The following UNC5C variants were observed in gnomAD, a reference collection of about 807,000 sequenced individuals.
UNC5C encodes the protein unc-5 netrin receptor C, also known as netrin receptor UNC5C.
Under a neutral mutation model 99.8 loss-of-function variants are expected in UNC5C, and 47 were observed. The ratio of observed to expected loss-of-function variants is 0.47; its 90% CI spans 0.37 to 0.60. The LOEUF (loss-of-function observed/expected upper bound fraction) is 0.60, where lower values mean the gene tolerates loss of function less well. UNC5C is among the 20% of genes least tolerant of loss of function. The pLI, the probability that UNC5C is intolerant of heterozygous loss-of-function variation, is 0.00. For missense variants in UNC5C, 1,062 were observed against 1,165.9 expected (o/e 0.91, Z 1.30); for synonymous variants, 487 against 452.2 (o/e 1.08, Z -0.98).
intron 1 of UNC5C, among the ~76,000 whole-genome samples, chr4:95,340,272 T>C (rs747870496): frequency 2.0e-5 from 3 of 152,134 alleles, no homozygotes; most frequent in Non-Finnish European, 4.4e-5. Context: ...TAAACTATTA[T>C]TGCTTATATC....
chr4:95,471,784 C>T (rs1747976407), intron 1 of UNC5C, among the ~76,000 whole-genome samples: 1 of 151,950 alleles, frequency 6.6e-6, no homozygotes, highest in African/African-American at 2.4e-5. Context: ...AGGATGAGTT[C>T]CATAAACGCA....
At chr4:95,527,914 C>T (rs184527428) in intron 1 of UNC5C, among the ~76,000 whole-genome samples, 103 of 152,122 alleles carry the variant, frequency 6.8e-4, no homozygotes, top group African/African-American at 2.5e-3. Flanking sequence ...CATTCCTATT[C>T]CTAAAACTAG....
intron 1 of UNC5C, among the ~76,000 whole-genome samples, chr4:95,362,761 T>C (rs1274412449): frequency 2.0e-5 from 3 of 151,634 alleles, no homozygotes; most frequent in Admixed American, 1.3e-4. Context: ...AAAATATATT[T>C]GCACTTTTAT....
chr4:95,442,374 T>G (rs1200800779), intron 1 of UNC5C, among the ~76,000 whole-genome samples: 1 of 149,978 alleles, frequency 6.7e-6, no homozygotes, highest in African/African-American at 2.5e-5. Context: ...AGCTAATTTT[T>G]TTTTTTTTTT....
intron 12 of UNC5C, among the ~76,000 whole-genome samples, chr4:95,196,089 C>T (rs1737370189): frequency 6.6e-6 from 1 of 152,020 alleles, no homozygotes; most frequent in Non-Finnish European, 1.5e-5. Flanking sequence ...GGTATTGTAC[C>T]CTTTGGATAC....
intron 2 of UNC5C, 107 bp from the exon 3 acceptor site, chr4:95,301,856 T>A: frequency 7.3e-7 from 1 of 1,363,958 alleles, no homozygotes; most frequent in African/African-American, 1.5e-5. Flanking sequence ...ATGCCATAGA[T>A]CAACAACCCA....
At chr4:95,522,866 A>T (rs1017096249) in intron 1 of UNC5C, among the ~76,000 whole-genome samples, 4 of 151,952 alleles carry the variant, frequency 2.6e-5, no homozygotes, top group Admixed American at 2.6e-4. Context: ...CAAACACTCC[A>T]AGATCTGTGG....
At chr4:95,375,490 T>C (rs1231863274) in intron 1 of UNC5C, among the ~76,000 whole-genome samples, 6 of 152,116 alleles carry the variant, frequency 3.9e-5, no homozygotes, top group Admixed American at 3.9e-4. Flanking sequence ...AAGATGATTG[T>C]TATAAAGAAA....
At chr4:95,456,086 C>T (rs1051259689) in intron 1 of UNC5C, among the ~76,000 whole-genome samples, 1 of 151,948 alleles carries the variant, frequency 6.6e-6, no homozygotes, top group African/African-American at 2.4e-5. Context: ...ACACACAGCT[C>T]ATTATATTGC....
intron 1 of UNC5C, among the ~76,000 whole-genome samples, chr4:95,347,855 A>G (rs1478028552): frequency 6.6e-6 from 1 of 152,064 alleles, no homozygotes; most frequent in African/African-American, 2.4e-5. Flanking sequence ...CTGGGCAAAG[A>G]TTTCTTGAAT....
chr4:95,172,218 T>G (rs1469032569), intron 14 of UNC5C, among the ~76,000 whole-genome samples: 1 of 151,810 alleles, frequency 6.6e-6, no homozygotes, highest in African/African-American at 2.4e-5. Context: ...TAGTTTCTTT[T>G]GCTGTGCAGA....
intron 12 of UNC5C, among the ~76,000 whole-genome samples, chr4:95,189,511 G>A (rs1342104805): frequency 1.3e-5 from 2 of 152,186 alleles, no homozygotes; most frequent in Non-Finnish European, 2.9e-5. Flanking sequence ...AAACTAAAGA[G>A]CTTCTGCACA....
At chr4:95,175,420 C>T (rs1236272890) in intron 14 of UNC5C, among the ~76,000 whole-genome samples, 7 of 151,410 alleles carry the variant, frequency 4.6e-5, no homozygotes, top group African/African-American at 1.7e-4. Context: ...CCTTCAGGAG[C>T]TCTTTTAGGG....
At chr4:95,183,105 C>A (rs753826083) in intron 13 of UNC5C, 44 bp from the exon 14 acceptor site, 1 of 1,560,390 alleles carries the variant, frequency 6.4e-7, no homozygotes, top group Non-Finnish European at 8.8e-7. Context: ...GGACTAATAC[C>A]AAAAATAACT....
intron 14 of UNC5C, among the ~76,000 whole-genome samples, chr4:95,180,738 C>T (rs993575603): frequency 2.0e-5 from 3 of 152,082 alleles, no homozygotes; most frequent in African/African-American, 7.2e-5. Context: ...TGGTGGGTGG[C>T]TGGAGGGAGG....
At chr4:95,364,626 C>T (rs919688535) in intron 1 of UNC5C, among the ~76,000 whole-genome samples, 4 of 152,098 alleles carry the variant, frequency 2.6e-5, no homozygotes, top group African/African-American at 4.8e-5. Context: ...GCTCAAAGGC[C>T]GGGTGACAGA....
chr4:95,532,610 GT>G (rs1396271802), intron 1 of UNC5C, among the ~76,000 whole-genome samples: 1 of 152,194 alleles, frequency 6.6e-6, no homozygotes, highest in Non-Finnish European at 1.5e-5. Flanking sequence ...GATGGGAAAG[GT>G]TGCTGTAAGA....
Position 95,169,206 on chromosome 4 carries a change from T to C in UNC5C, c.*28A>G. 3.1e-6 allele frequency: 5 copies of C among 1,611,304 alleles called. No individual in the cohort carries two copies. The highest frequency in any genetic ancestry group is 4.2e-6 in the Non-Finnish European group (5 of 1,177,786). ...GCCACAGACTCCCTGTGCATTTTTGTCCTTCATTTCCCCTTCCAGCATGGT... is the reference window on the plus strand; with the variant it reads ...GCCACAGACTCCCTGTGCATTTTTGCCCTTCATTTCCCCTTCCAGCATGGT... On this transcript the variant is annotated 3_prime_UTR_variant, in exon 16 of 16. Transcript: ENST00000453304.
intron 14 of UNC5C, among the ~76,000 whole-genome samples, chr4:95,182,210 A>G (rs1736638804): frequency 6.6e-6 from 1 of 152,226 alleles, no homozygotes; most frequent in Admixed American, 6.5e-5. Context: ...ATATGGACAC[A>G]GGGAAATAGC....
Sources: allele counts gnomAD v4.1 joint callset (sites outside exome capture counted in the v4.1 genomes callset), GRCh38; gene constraint gnomAD v4.1.1; transcripts MANE v1.5; gene names NCBI Gene and HGNC (gene_info 2026-07-23, HGNC 2026-07-21).